The following SARDH variants were observed in gnomAD, a reference collection of about 807,000 sequenced individuals.
SARDH encodes sarcosine dehydrogenase, mitochondrial.
Under a neutral mutation model 109.1 loss-of-function variants are expected in SARDH, and 95 were observed. The ratio of observed to expected loss-of-function variants is 0.87; its 90% confidence interval spans 0.74 to 1.03. SARDH has a LOEUF of 1.03. Ranked by LOEUF, SARDH falls within the 50% of genes least tolerant of loss-of-function variation. SARDH has a pLI of 0.00. For missense variants in SARDH, 1,267 were observed against 1,287.8 expected (o/e 0.98, Z 0.25); for synonymous variants, 572 against 534.8 (o/e 1.07, Z -0.96).
rs1830354462 is a variant in SARDH at position 133,671,630 on chromosome 9, C to T, written c.2231G>A (p.Cys744Tyr). 2 of 1,600,306 alleles carry T rather than the reference C, an allele frequency of 1.2e-6. No individual in the cohort carries two copies. Among genetic ancestry groups the T allele is most frequent in the Non-Finnish European group, 1.7e-6 (2 of 1,174,006 alleles). ...GWELHIPKAS[C>Y]VPVYRAVMAA... The stretch of plus-strand genomic sequence containing the variant: ...CATCACAGCCCGGTACACAGGCACG[C>T]AGGACGCCTTTGGAATGTGCAGCTC... The change falls in exon 18 of 21, where the codon TGC (cysteine) becomes TAC (tyrosine). Residue 744 changes from cysteine to tyrosine, a missense_variant. Coordinates refer to ENST00000439388, the MANE Select transcript of SARDH (RefSeq NM_001134707.2).
chr9:133,719,322 G>A (rs1476117955), intron 6 of SARDH, among the ~76,000 whole-genome samples: 2 of 152,202 alleles, frequency 1.3e-5, no homozygotes, highest in African/African-American at 4.8e-5. Context: ...AGGGAGGAAG[G>A]GAGGGAAGCA....
chr9:133,680,159 A>G (rs368301285), intron 17 of SARDH, among the ~76,000 whole-genome samples: 8 of 152,338 alleles, frequency 5.3e-5, no homozygotes, highest in African/African-American at 1.7e-4. Flanking sequence ...ACTTATGGAA[A>G]GGCCCGGAAA....
At chr9:133,679,836 G>C (rs1403843682) in intron 17 of SARDH, among the ~76,000 whole-genome samples, 1 of 152,214 alleles carries the variant, frequency 6.6e-6, no homozygotes, top group East Asian at 1.9e-4. Flanking sequence ...AGGGTCTTTG[G>C]GCAGCGGCAG....
intron 17 of SARDH, among the ~76,000 whole-genome samples, chr9:133,675,963 T>C (rs377714126): frequency 6.6e-6 from 1 of 152,162 alleles, no homozygotes; most frequent in East Asian, 1.9e-4. Context: ...TTTGGTGGCA[T>C]GTGCCTGTAG....
chr9:133,719,040 G>C lies in SARDH; in HGVS notation c.918C>G (p.Asn306Lys). 6.2e-7 allele frequency: 1 copy of C among 1,613,840 alleles called. No homozygotes were observed. Among genetic ancestry groups the C allele is most frequent in the Non-Finnish European group, 8.5e-7 (1 of 1,179,708 alleles). The change falls in exon 7 of 21, where the codon AAC (asparagine) becomes AAG (lysine). Residue 306 changes from asparagine (N) to lysine (K), a missense_variant and splice_region_variant. Transcript: ENST00000439388. ...VVTERIEGIQ[N>K]MPNVRDHDAS... ...CATCATGATCACGGACATTGGGCAT[G>C]TTCTGGAAGGCAGAGAGAGAGGCCT... is the stretch of plus-strand genomic sequence containing the variant.
Position 133,734,123 on chromosome 9 carries a change from C to T in SARDH, c.51G>A (p.Gln17=). 3 of 1,610,604 alleles carry T rather than the reference C, an allele frequency of 1.9e-6. No homozygotes were observed. Among genetic ancestry groups the T allele is most frequent in the Non-Finnish European group, 2.5e-6 (3 of 1,178,958 alleles). Residue 17 remains glutamine (Q), a synonymous_variant, in exon 2 of 21, where the codon CAG becomes CAA. Transcript: ENST00000439388. The stretch of plus-strand genomic sequence containing the variant: ...ATGGCCCCATGCCCCGGGTAGGGCT[C>T]TGGCGAGGGTGGGCAGCAGCCACAC... The part of the protein sequence containing the change: ...ALRVAAAHPR[Q]SPTRGMGPCN...
At chr9:133,710,093 T>G (rs1831858787) in intron 10 of SARDH, among the ~76,000 whole-genome samples, 1 of 152,070 alleles carries the variant, frequency 6.6e-6, no homozygotes, top group African/African-American at 2.4e-5. Context: ...AAAGAGCAAC[T>G]CTTCCCTGGC....
At chr9:133,706,692 T>C (rs547993366) in intron 11 of SARDH, among the ~76,000 whole-genome samples, 1 of 152,144 alleles carries the variant, frequency 6.6e-6, no homozygotes, top group African/African-American at 2.4e-5. Flanking sequence ...TAAATTTGGT[T>C]TGGGAAAAAA....
rs1349574995 is a variant in SARDH at position 133,686,626 on chromosome 9, C to T, written c.2070-1340G>A. Among the ~76,000 whole-genome samples, 2 of 152,032 alleles carry T rather than the reference C, an allele frequency of 1.3e-5. No individual in the cohort carries two copies. The highest frequency in any genetic ancestry group is 3.9e-4 in the East Asian group (2 of 5,174). ...CAGTAAATAGAACTGACTGTGAACA[C>T]CCTGGCTTGGCACAGCAGGGTGAGG... On this transcript the variant is annotated intron_variant, in intron 16 of 20. Transcript: ENST00000439388. The surrounding 1 kb of genome is among the most constrained non-coding windows in gnomAD (Gnocchi z 4.0).
chr9:133,675,099 T>G (rs780925332), intron 17 of SARDH, among the ~76,000 whole-genome samples: 2 of 152,090 alleles, frequency 1.3e-5, no homozygotes, highest in Non-Finnish European at 2.9e-5. Flanking sequence ...ATCCCAGCAC[T>G]TTGGGAGACC....
chr9:133,712,129 C>T lies in SARDH; in HGVS notation c.1328+490G>A, dbSNP rs1040706338. Among the ~76,000 whole-genome samples, 1 of 152,230 alleles carries T rather than the reference C, an allele frequency of 6.6e-6. No homozygotes were observed. Among genetic ancestry groups the T allele is most frequent in the African/African-American group, 2.4e-5 (1 of 41,462 alleles). On this transcript the variant is annotated intron_variant, in intron 10 of 20. Transcript: ENST00000439388. The surrounding 1 kb of genome is among the most constrained non-coding windows in gnomAD (Gnocchi z 4.1). ...ACAAATGCCCTCCCTGCTCCCAGAA[C>T]CTCCACAGCCCCTCCCCATCACCCT...
At chr9:133,717,261 C>T in intron 8 of SARDH, 65 bp downstream of exon 8, 18 of 1,594,992 alleles carry the variant, frequency 1.1e-5, no homozygotes, top group Non-Finnish European at 1.5e-5. Context: ...CGGGGCATCA[C>T]TACTAACAGT....
At position 133,693,330 on chromosome 9, in the gene SARDH, C is replaced by G. The variant is rs1831168792; in HGVS notation, c.1921+928G>C. On this transcript the variant is annotated intron_variant, in intron 15 of 20. Coordinates refer to ENST00000439388, the MANE Select transcript of SARDH (RefSeq NM_001134707.2). The surrounding 1 kb of genome is among the most constrained non-coding windows in gnomAD (Gnocchi z 5.6). ...TGAATGAGCCCCTTTCTCCCCTTGC[C>G]TCTCTCCCCCAGTGCCCAAGCTGGG... Among the ~76,000 whole-genome samples the G allele has an allele frequency of 6.6e-6, 1 of 152,272 alleles. No individual in the cohort carries two copies. Among genetic ancestry groups the G allele is most frequent in the African/African-American group, 2.4e-5 (1 of 41,546 alleles).
At chr9:133,724,217 T>C (rs1832415981) in intron 6 of SARDH, among the ~76,000 whole-genome samples, 1 of 152,124 alleles carries the variant, frequency 6.6e-6, no homozygotes, top group Non-Finnish European at 1.5e-5. Flanking sequence ...AACCACTGAA[T>C]AGAAGTTTCA....
Position 133,712,726 on chromosome 9 carries a change from C to T in SARDH, c.1238-17G>A, listed in dbSNP as rs45581441. Reference sequence around the variant, plus strand: ...GCATCATTCCTGGCAGGAAGAGAAGCGCAGGGCTGCGGTCTGCCCCCCAGG... The same window carrying T: ...GCATCATTCCTGGCAGGAAGAGAAGTGCAGGGCTGCGGTCTGCCCCCCAGG... On this transcript the variant is annotated splice_polypyrimidine_tract_variant and intron_variant, in intron 9 of 20. Coordinates refer to ENST00000439388, the MANE Select transcript of SARDH (RefSeq NM_001134707.2). This position sits in a 1 kb window ranked among gnomAD's most constrained non-coding sequence, Gnocchi z 4.1. 77,214 of 1,603,592 alleles carry T rather than the reference C, an allele frequency of 0.048. 2,205 individuals carry two copies. The highest frequency in any genetic ancestry group is 0.071 in the Middle Eastern group (428 of 6,036).
chr9:133,736,885 A>G (rs1460985532), intron 1 of SARDH, among the ~76,000 whole-genome samples: 1 of 152,248 alleles, frequency 6.6e-6, no homozygotes, highest in East Asian at 1.9e-4. Context: ...AATGACTGAT[A>G]TAATTATCTA....
At chr9:133,711,368 C>T (rs1831912212) in intron 10 of SARDH, among the ~76,000 whole-genome samples, 1 of 152,208 alleles carries the variant, frequency 6.6e-6, no homozygotes, top group Non-Finnish European at 1.5e-5. Context: ...GTTCAAAAGC[C>T]GGGTGACTTC....
At position 133,663,732 on chromosome 9, in the gene SARDH, T is replaced by C; in HGVS notation, c.*157A>G. The C allele has an allele frequency of 9.8e-7, 1 of 1,016,300 alleles. No homozygotes were observed. The highest frequency in any genetic ancestry group is 1.5e-6 in the Non-Finnish European group (1 of 684,014). The allele number at this position is 1,016,300 out of a possible 1,614,324, so 63.0% of individuals were successfully genotyped here. A position where few individuals can be genotyped will look rare whatever the true frequency, so the allele number is the denominator to read the frequency against. ...CCACAGGATGGGCCATCTTGGTCTC[T>C]GTCCGTATCTGGTTTGGGGGTTTTC... is the stretch of plus-strand genomic sequence containing the variant. On this transcript the variant is annotated 3_prime_UTR_variant, in exon 21 of 21. Transcript: ENST00000439388.
intron 8 of SARDH, among the ~76,000 whole-genome samples, chr9:133,714,036 G>A (rs1832030838): frequency 6.6e-6 from 1 of 152,208 alleles, no homozygotes; most frequent in South Asian, 2.1e-4. Context: ...ACGCGTCACT[G>A]AGGTGCCAGC....
Sources: gnomAD v4.1 joint callset for allele counts (sites outside exome capture counted in the v4.1 genomes callset) on GRCh38, gnomAD v4.1.1 for gene constraint, Gnocchi (gnomAD v3.1) non-coding constraint, MANE v1.5 for transcripts, NCBI Gene and HGNC (gene_info 2026-07-23, HGNC 2026-07-21) for gene names.